Variants in TENM3 observed in about 807,000 individuals in gnomAD.
TENM3 encodes the protein teneurin transmembrane protein 3, also known as teneurin-3.
A neutral mutation model predicts 255.1 loss-of-function variants in TENM3; 63 were observed. The ratio of observed to expected loss-of-function variants is 0.25; its 90% CI spans 0.20 to 0.30. The LOEUF (loss-of-function observed/expected upper bound fraction) is 0.30, where lower values mean the gene tolerates loss of function less well. Among genes scored for constraint, TENM3 ranks in the 10% least tolerant of loss-of-function variants. The pLI is 1.00. For synonymous variants in TENM3, 1,306 were observed against 1,322.3 expected (o/e 0.99, Z 0.27); for missense variants, 2,929 against 3,461.1 (o/e 0.85, Z 3.86).
At chr4:182,583,260 T>C (rs1745679540) in intron 3 of TENM3, among the ~76,000 whole-genome samples, 1 of 152,142 alleles carries the variant, frequency 6.6e-6, no homozygotes, top group Non-Finnish European at 1.5e-5. Context: ...TCTAGATTTA[T>C]ATTTTGTAAA....
intron 5 of TENM3, among the ~76,000 whole-genome samples, chr4:182,644,490 C>T (rs1752570348): frequency 1.3e-5 from 2 of 152,182 alleles, no homozygotes; most frequent in South Asian, 4.2e-4. Flanking sequence ...GGCATGCCCC[C>T]TTTTTATTTT....
intron 2 of TENM3, among the ~76,000 whole-genome samples, chr4:182,338,190 C>T (rs185101377): frequency 5.2e-4 from 79 of 152,250 alleles, no homozygotes; most frequent in South Asian, 1.0e-3. Flanking sequence ...TTTGTATTTT[C>T]CCGGCTTCCA....
At chr4:181,943,211 A>G in the TENM3 span, among the ~76,000 whole-genome samples, 53 of 152,224 alleles carry the variant, frequency 3.5e-4, 1 homozygote, top group South Asian at 8.7e-3. Flanking sequence ...TTGAGCATAG[A>G]AGATTTATAG....
the TENM3 span, among the ~76,000 whole-genome samples, chr4:181,949,247 C>T: frequency 6.6e-6 from 1 of 152,150 alleles, no homozygotes; most frequent in African/African-American, 2.4e-5. Flanking sequence ...TAAATACAAA[C>T]TGGATTTATT....
the TENM3 span, among the ~76,000 whole-genome samples, chr4:181,698,909 A>G: frequency 2.6e-5 from 4 of 152,260 alleles, no homozygotes; most frequent in South Asian, 8.3e-4. Context: ...AGATACTAAC[A>G]TGATTAAAGA....
At chr4:182,262,729 T>G (rs1241078059) in intron 1 of TENM3, among the ~76,000 whole-genome samples, 2 of 149,778 alleles carry the variant, frequency 1.3e-5, no homozygotes, top group Non-Finnish European at 3.0e-5. Flanking sequence ...TCTTTTTTTT[T>G]TTTTTTTTTT....
At chr4:182,320,904 C>T (rs998702126) in intron 1 of TENM3, among the ~76,000 whole-genome samples, 2 of 152,144 alleles carry the variant, frequency 1.3e-5, no homozygotes, top group East Asian at 1.9e-4. Flanking sequence ...GAGCAGAAAA[C>T]GATTTCCCCT....
chr4:182,795,692 T>C (rs1444305484), intron 26 of TENM3, among the ~76,000 whole-genome samples: 1 of 152,188 alleles, frequency 6.6e-6, no homozygotes, highest in African/African-American at 2.4e-5. Flanking sequence ...ACTGAAAGTC[T>C]GGAAAGCCCA....
Position 182,421,352 on chromosome 4 carries a change from T to TATTA in TENM3, c.511+74423_511+74424insATTA, listed in dbSNP as rs1372850652. ...ATCCAACGTCACTCAAGTAAGCTAATGGCCAAGAGAGCAATAACCACAGCC... is the reference window on the plus strand; with the variant it reads ...ATCCAACGTCACTCAAGTAAGCTAATATTAGGCCAAGAGAGCAATAACCACAGCC... On this transcript the variant is annotated intron_variant, in intron 3 of 27. Transcript: ENST00000511685. 2.0e-5 allele frequency among the ~76,000 whole-genome samples: 3 copies of TATTA among 152,306 alleles called. No homozygotes were observed. The East Asian group carries it at 5.8e-4, about 29-fold the overall frequency.
At chr4:181,682,434 G>C in the TENM3 span, among the ~76,000 whole-genome samples, 7 of 152,138 alleles carry the variant, frequency 4.6e-5, no homozygotes, top group African/African-American at 1.2e-4. Context: ...TCACCAGATT[G>C]ACTGACTGAT....
chr4:181,604,472 T>A, the TENM3 span, among the ~76,000 whole-genome samples: 10 of 151,412 alleles, frequency 6.6e-5, no homozygotes, highest in Non-Finnish European at 1.3e-4. Context: ...GACATCTCAG[T>A]CTTCCCCCAC....
chr4:181,644,558 A>T, the TENM3 span, among the ~76,000 whole-genome samples: 1 of 152,004 alleles, frequency 6.6e-6, no homozygotes, highest in Non-Finnish European at 1.5e-5. Flanking sequence ...GTAGTTCCAA[A>T]CTGTCCTATT....
chr4:182,486,257 A>G (rs1222363854), intron 3 of TENM3, among the ~76,000 whole-genome samples: 1 of 150,056 alleles, frequency 6.7e-6, no homozygotes, highest in Non-Finnish European at 1.5e-5. Context: ...AAAGATTTAA[A>G]AAAGAAAAAG....
intron 3 of TENM3, among the ~76,000 whole-genome samples, chr4:182,531,267 G>A (rs565985466): frequency 6.6e-6 from 1 of 152,298 alleles, no homozygotes; most frequent in South Asian, 2.1e-4. Context: ...AATTTTAGCT[G>A]TGAAAAAATT....
chr4:181,794,510 A>G, the TENM3 span, among the ~76,000 whole-genome samples: 38,171 of 151,996 alleles, frequency 0.25, 4,958 homozygotes, highest in South Asian at 0.31. Flanking sequence ...TGACTTTTTT[A>G]GATTCCACAT....
At chr4:182,456,418 C>A (rs1271787054) in intron 3 of TENM3, among the ~76,000 whole-genome samples, 1 of 152,130 alleles carries the variant, frequency 6.6e-6, no homozygotes, top group Non-Finnish European at 1.5e-5. Context: ...GCCTCCATTT[C>A]TTTGCATTTT....
At chr4:181,696,110 G>A in the TENM3 span, among the ~76,000 whole-genome samples, 1 of 152,106 alleles carries the variant, frequency 6.6e-6, no homozygotes, top group East Asian at 1.9e-4. Flanking sequence ...TTATGACAAG[G>A]CAACATGGTG....
At chr4:182,208,962 C>G (rs1205301021) in intron 1 of TENM3, among the ~76,000 whole-genome samples, 1 of 150,114 alleles carries the variant, frequency 6.7e-6, no homozygotes, top group Admixed American at 6.6e-5. Flanking sequence ...AGCTGTCCCT[C>G]TTTTTTTTTG....
chr4:182,022,634 C>A, the TENM3 span, among the ~76,000 whole-genome samples: 3 of 151,610 alleles, frequency 2.0e-5, no homozygotes, highest in African/African-American at 4.8e-5. Context: ...TTTAGCTTAA[C>A]AAATTCATAT....
Sources: allele counts gnomAD v4.1 joint callset (sites outside exome capture counted in the v4.1 genomes callset), GRCh38; gene constraint gnomAD v4.1.1; transcripts MANE v1.5; gene names NCBI Gene and HGNC (gene_info 2026-07-23, HGNC 2026-07-21).